RASSF4: variants seen among roughly 807,000 people sequenced by gnomAD.
RASSF4 encodes Ras association domain family member 4.
In RASSF4, 38 loss-of-function variants were observed where a neutral mutation model predicts 41.1. The ratio of observed to expected loss-of-function variants is 0.92; its 90% CI spans 0.71 to 1.21. RASSF4 has a LOEUF of 1.21. Ranked by LOEUF, RASSF4 falls within the 50% of genes most tolerant of loss-of-function variation. The pLI is 0.00. For synonymous variants in RASSF4, 179 were observed against 163.4 expected (o/e 1.10, Z -0.73); for missense variants, 414 against 419.4 (o/e 0.99, Z 0.11).
At chr10:44,965,395 C>T (rs983146801) in intron 1 of RASSF4, among the ~76,000 whole-genome samples, 1 of 152,196 alleles carries the variant, frequency 6.6e-6, no homozygotes, top group Admixed American at 6.5e-5. Context: ...AATGGAGATT[C>T]TCTACAGATG....
intron 3 of RASSF4, chr10:44,978,110 T>C: frequency 6.6e-7 from 1 of 1,504,012 alleles, no homozygotes; most frequent in Non-Finnish European, 9.0e-7. Context: ...CCACCGCCCC[T>C]CAGCGTCACC....
chr10:44,977,265 A>G (rs1380930294), intron 3 of RASSF4: 1 of 1,287,636 alleles, frequency 7.8e-7, no homozygotes, highest in Non-Finnish European at 1.1e-6. Flanking sequence ...TGAACTGCCC[A>G]AGCAGGGGCC....
chr10:44,969,002 G>A (rs1040527854), intron 1 of RASSF4, among the ~76,000 whole-genome samples: 1 of 148,792 alleles, frequency 6.7e-6, no homozygotes, highest in African/African-American at 2.4e-5. Flanking sequence ...GTTTGTGTAT[G>A]TGTGTGTGTG....
Position 44,993,382 on chromosome 10 carries a change from A to C in RASSF4, c.*53A>C. 1 of 1,462,400 alleles carries C rather than the reference A, an allele frequency of 6.8e-7. No individual in the cohort carries two copies. Among genetic ancestry groups the C allele is most frequent in the Non-Finnish European group, 9.3e-7 (1 of 1,070,796 alleles). 90.6% of individuals were successfully genotyped at this position (1,462,400 alleles called of 1,614,324 possible). On this transcript the variant is annotated 3_prime_UTR_variant, in exon 11 of 11. Transcript: ENST00000340258. ...CCCCAGCAGTGGCAGGTGTACACTG[A>C]GCCCTGGTTGCTGGCCCCGGCCGGT...
intron 1 of RASSF4, among the ~76,000 whole-genome samples, chr10:44,967,676 A>G (rs1282330486): frequency 6.6e-6 from 1 of 152,104 alleles, no homozygotes; most frequent in East Asian, 1.9e-4. Context: ...AGCTTCTTGT[A>G]TTTATTCAGC....
In RASSF4 at chr10:44,977,951, G is replaced by A. The variant is rs1205964118; in HGVS notation, c.139-4570G>A. On this transcript the variant is annotated intron_variant, in intron 3 of 10. Transcript: ENST00000340258. Reference sequence around the variant, plus strand: ...AGGAGAGGGTGGGGGCTCCTGTCCAGGACCCCCAAGCAGCATCTCCTCCGT... The same window carrying A: ...AGGAGAGGGTGGGGGCTCCTGTCCAAGACCCCCAAGCAGCATCTCCTCCGT... The A allele has an allele frequency of 2.5e-6, 4 of 1,612,068 alleles. No individual in the cohort carries two copies. In the Admixed American group the frequency reaches 6.7e-5, roughly 27 times the overall value.
intron 7 of RASSF4, 107 bp from the exon 8 acceptor site, chr10:44,989,563 G>A (rs552986760): frequency 9.0e-7 from 1 of 1,106,002 alleles, no homozygotes; most frequent in Admixed American, 1.7e-5. Flanking sequence ...CAGGTTCCTT[G>A]CAACTTGCGT....
Position 44,984,942 on chromosome 10 carries a change from C to A in RASSF4, c.503C>A (p.Ser168Tyr). Residue 168 changes from serine to tyrosine, a missense_variant, in exon 6 of 11, where the codon TCT (serine) becomes TAT (tyrosine). Coordinates refer to ENST00000340258, the MANE Select transcript of RASSF4 (RefSeq NM_032023.4). ...EAQRIRRHRF[S>Y]INGHFYNHKT... ...CAGCGCATCCGGCGACACCGGTTCT[C>A]TATCAACGGCCACTTCTACAATCAT... The A allele has an allele frequency of 6.2e-7, 1 of 1,612,990 alleles. No homozygotes were observed. Among genetic ancestry groups the A allele is most frequent in the Non-Finnish European group, 8.5e-7 (1 of 1,180,022 alleles).
chr10:44,971,580 C>G (rs80201729), intron 2 of RASSF4, 193 bp from the exon 3 acceptor site: 175 of 688,798 alleles, frequency 2.5e-4, no homozygotes, highest in African/African-American at 2.5e-3. Flanking sequence ...CCATGCCCCC[C>G]ACCAGGGCCA....
At chr10:44,984,732 G>C in intron 5 of RASSF4, 81 bp from the exon 6 acceptor site, 1 of 1,513,744 alleles carries the variant, frequency 6.6e-7, no homozygotes, top group Non-Finnish European at 9.1e-7. Flanking sequence ...CAGGGCTCTA[G>C]GGTGCCAGAT....
chr10:44,995,611 C>T lies in RASSF4; in HGVS notation c.*2282C>T, dbSNP rs1842252232. On this transcript the variant is annotated 3_prime_UTR_variant, in exon 11 of 11. Transcript: ENST00000340258. ...TCAGAAAAATCACTAGCAAGTGGCT[C>T]AGAAAAAGGGAAAAGGTACACTTCT... 1 of 152,208 alleles carries T rather than the reference C, an allele frequency of 6.6e-6. No homozygotes were observed. Among genetic ancestry groups the T allele is most frequent in the South Asian group, 2.1e-4 (1 of 4,828 alleles). 9.4% of individuals were successfully genotyped at this position (152,208 alleles called of 1,614,324 possible).
chr10:44,983,238 C>A (rs1841788651), intron 4 of RASSF4: 1 of 322,360 alleles, frequency 3.1e-6, no homozygotes, highest in African/African-American at 2.2e-5. Context: ...AGTAGTAACT[C>A]CTGTAGAGGG....
In RASSF4 at chr10:44,994,488, A is replaced by G. The variant is rs1026912285; in HGVS notation, c.*1159A>G. Reference sequence around the variant, plus strand: ...ATAGGAGAGGCTCCATCTCTAATGCATGTAGAAGCTCCTTACGGGTGCCCA... The same window carrying G: ...ATAGGAGAGGCTCCATCTCTAATGCGTGTAGAAGCTCCTTACGGGTGCCCA... On this transcript the variant is annotated 3_prime_UTR_variant, in exon 11 of 11. Transcript: ENST00000340258. The G allele has an allele frequency of 3.9e-5, 6 of 152,512 alleles. No homozygotes were observed. Among genetic ancestry groups the G allele is most frequent in the African/African-American group, 1.4e-4 (6 of 41,450 alleles). The allele number at this position is 152,512 out of a possible 1,614,324, so 9.4% of individuals were successfully genotyped here.
At chr10:44,964,542 T>C (rs1213220199) in intron 1 of RASSF4, among the ~76,000 whole-genome samples, 2 of 152,250 alleles carry the variant, frequency 1.3e-5, no homozygotes, top group South Asian at 4.1e-4. Flanking sequence ...GCCCATCCTC[T>C]CCTGACTCCT....
chr10:44,978,289 G>T (rs1841541351), intron 3 of RASSF4: 4 of 462,552 alleles, frequency 8.6e-6, no homozygotes, highest in Non-Finnish European at 1.5e-5. Flanking sequence ...ACAGATAAGA[G>T]AACCTAACCT....
intron 9 of RASSF4, among the ~76,000 whole-genome samples, chr10:44,991,613 C>A (rs1185942949): frequency 6.6e-6 from 1 of 152,222 alleles, no homozygotes; most frequent in Non-Finnish European, 1.5e-5. Flanking sequence ...ACCTCCCTAC[C>A]CCCTAGCCCA....
intron 3 of RASSF4, chr10:44,977,227 T>C: frequency 1.2e-6 from 1 of 829,006 alleles, no homozygotes; most frequent in Non-Finnish European, 1.9e-6. Flanking sequence ...CAGGCTGTTA[T>C]CATATTCAGA....
chr10:44,994,209 GA>G lies in RASSF4; in HGVS notation c.*882del, dbSNP rs1246985552. ...TTCAATGACTTTCAATACTTCCCCT[GA>G]AGGAAGAATGATAAGGAGAAATGTC... is the stretch of plus-strand genomic sequence containing the variant. On this transcript the variant is annotated 3_prime_UTR_variant, in exon 11 of 11. Transcript: ENST00000340258. 6.6e-6 allele frequency: 1 copy of G among 152,366 alleles called. No individual in the cohort carries two copies. The highest frequency in any genetic ancestry group is 1.5e-5 in the Non-Finnish European group (1 of 68,034). The allele number at this position is 152,366 out of a possible 1,614,324, so 9.4% of individuals were successfully genotyped here.
In RASSF4 at chr10:44,990,955, A is replaced by C. The variant is rs1203013908; in HGVS notation, c.693A>C (p.Thr231=). 1.9e-6 allele frequency: 3 copies of C among 1,611,942 alleles called. No individual in the cohort carries two copies. Among genetic ancestry groups the C allele is most frequent in the Non-Finnish European group, 2.5e-6 (3 of 1,178,152 alleles). The stretch of plus-strand genomic sequence containing the variant: ...AACCACCTTCTTTTTCAGAGCGGAC[A>C]AAATTAAAAGACTGCGAGTACCCGC... ...LYIVHESGER[T]KLKDCEYPLI... The change falls in exon 9 of 11, where the codon ACA becomes ACC. Residue 231 remains threonine (T), a synonymous_variant. Transcript: ENST00000340258.
Sources: allele counts gnomAD v4.1 joint callset (sites outside exome capture counted in the v4.1 genomes callset), GRCh38; gene constraint gnomAD v4.1.1; transcripts MANE v1.5; gene names NCBI Gene and HGNC (gene_info 2026-07-23, HGNC 2026-07-21).